The following DGKI variants were observed in gnomAD, a reference collection of about 807,000 sequenced individuals.
DGKI encodes diacylglycerol kinase iota, also known as DAG kinase iota.
A neutral mutation model predicts 147.5 loss-of-function variants in DGKI; 55 were observed. The ratio of observed to expected loss-of-function variants is 0.37; its 90% CI spans 0.30 to 0.47. DGKI has a LOEUF of 0.47. Among genes scored for constraint, DGKI ranks in the 20% least tolerant of loss-of-function variants. DGKI has a pLI of 1.00. For synonymous variants in DGKI, 469 were observed against 477.1 expected, an observed-to-expected ratio of 0.98 and a Z score of 0.22; for missense variants, 1,007 against 1,323.8, an observed-to-expected ratio of 0.76 and a Z score of 3.71.
rs78380205 is a variant in DGKI, at chr7:137,471,333, G to A, written c.2374-1714C>T. 2.0e-3 allele frequency among the ~76,000 whole-genome samples: 300 copies of A among 152,268 alleles called. 1 individual carries two copies. The highest frequency in any genetic ancestry group is 6.9e-3 in the African/African-American group (285 of 41,550). ...CAATAAAGACTTGGCAGCTGAAGCC[G>A]CAGGTGTGGATGATCTTGTGTGTAC... On this transcript the variant is annotated intron_variant, in intron 23 of 32. Transcript: ENST00000614521.
chr7:137,395,460 A>AT, intron 32 of DGKI, 138 bp downstream of exon 32: 1 of 706,090 alleles, frequency 1.4e-6, no homozygotes, highest in Non-Finnish European at 2.4e-6. Context: ...GAAGCACTCT[A>AT]TTTTTTCCTC....
chr7:137,842,290 T>G (rs112330775), intron 1 of DGKI, among the ~76,000 whole-genome samples: 1 of 152,222 alleles, frequency 6.6e-6, no homozygotes, highest in Non-Finnish European at 1.5e-5. Context: ...AATATCTTTC[T>G]TGTAATAACA....
chr7:137,813,423 T>C (rs1471749357), intron 1 of DGKI, among the ~76,000 whole-genome samples: 1 of 152,178 alleles, frequency 6.6e-6, no homozygotes, highest in African/African-American at 2.4e-5. Flanking sequence ...AGAATGAAAG[T>C]GACCATGATC....
chr7:137,424,770 G>A (rs868462306), intron 28 of DGKI, among the ~76,000 whole-genome samples: 15 of 152,310 alleles, frequency 9.8e-5, no homozygotes, highest in Admixed American at 4.6e-4. Context: ...CTACGCCCAC[G>A]GAATCTCGCT....
intron 28 of DGKI, among the ~76,000 whole-genome samples, chr7:137,422,479 C>T (rs934006976): frequency 6.6e-6 from 1 of 151,428 alleles, no homozygotes; most frequent in Non-Finnish European, 1.5e-5. Context: ...AATATAAATT[C>T]ATTTCTAACA....
At chr7:137,717,355 C>A (rs1348473900) in intron 1 of DGKI, among the ~76,000 whole-genome samples, 13 of 151,832 alleles carry the variant, frequency 8.6e-5, no homozygotes, top group Non-Finnish European at 1.5e-4. Flanking sequence ...TTGTGACTTA[C>A]AAGAAATTAG....
intron 14 of DGKI, among the ~76,000 whole-genome samples, chr7:137,584,964 T>C (rs533245155): frequency 1.3e-5 from 2 of 152,324 alleles, no homozygotes; most frequent in South Asian, 2.1e-4. Flanking sequence ...AGTGCAGAAG[T>C]TGAAGACAGA....
intron 1 of DGKI, among the ~76,000 whole-genome samples, chr7:137,703,224 G>A (rs1585388576): frequency 6.6e-6 from 1 of 152,174 alleles, no homozygotes; most frequent in African/African-American, 2.4e-5. Context: ...AGGGAGAAGG[G>A]GGAAGTGCCA....
At chr7:137,743,592 C>T (rs1036167271) in intron 1 of DGKI, among the ~76,000 whole-genome samples, 7 of 152,054 alleles carry the variant, frequency 4.6e-5, no homozygotes, top group African/African-American at 1.7e-4. Flanking sequence ...CAAATGAAAA[C>T]AGAAACACAA....
At chr7:137,772,974 C>T (rs924015760) in intron 1 of DGKI, among the ~76,000 whole-genome samples, 5 of 152,190 alleles carry the variant, frequency 3.3e-5, no homozygotes, top group African/African-American at 1.2e-4. Flanking sequence ...TAAGCTGCTG[C>T]TCTATGAGTT....
chr7:137,520,928 A>C (rs375065768), intron 21 of DGKI, among the ~76,000 whole-genome samples: 2 of 152,036 alleles, frequency 1.3e-5, no homozygotes, highest in Admixed American at 6.6e-5. Context: ...TCTTTTACAC[A>C]GGTAGCCAGG....
At chr7:137,572,884 C>G (rs368143848) in intron 17 of DGKI, 46 bp from the exon 18 acceptor site, 1 of 1,397,474 alleles carries the variant, frequency 7.2e-7, no homozygotes, top group African/African-American at 1.4e-5. Context: ...AGTCACAAGT[C>G]TAAAAACCTA....
chr7:137,404,919 G>T (rs1429897091), intron 30 of DGKI, among the ~76,000 whole-genome samples: 1 of 152,136 alleles, frequency 6.6e-6, no homozygotes, highest in East Asian at 1.9e-4. Context: ...AGACTAATGT[G>T]CCAGATGAAT....
chr7:137,799,197 T>C lies in DGKI; in HGVS notation c.401+47265A>G, dbSNP rs115020930. Among the ~76,000 whole-genome samples, 475 of 152,288 alleles carry C rather than the reference T, an allele frequency of 3.1e-3. 1 individual carries two copies. The highest frequency in any genetic ancestry group is 0.011 in the African/African-American group (460 of 41,556). ...GCAATTACAAGGAAGGAAGGCCTGA[T>C]ACATCCGATAACATAGATGAACCTT... is the stretch of plus-strand genomic sequence containing the variant. On this transcript the variant is annotated intron_variant, in intron 1 of 32. Transcript: ENST00000614521.
At chr7:137,644,239 T>C (rs1821752872) in intron 6 of DGKI, among the ~76,000 whole-genome samples, 1 of 152,220 alleles carries the variant, frequency 6.6e-6, no homozygotes, top group Admixed American at 6.5e-5. Context: ...TTGTTTACTT[T>C]GTTTTATTTC....
chr7:137,475,090 C>T (rs968460384), intron 23 of DGKI, among the ~76,000 whole-genome samples: 2 of 152,164 alleles, frequency 1.3e-5, no homozygotes, highest in African/African-American at 4.8e-5. Flanking sequence ...CAATTCTGCC[C>T]TTAGTCACAT....
chr7:137,776,384 C>G (rs182489893), intron 1 of DGKI, among the ~76,000 whole-genome samples: 3 of 152,250 alleles, frequency 2.0e-5, no homozygotes, highest in African/African-American at 7.2e-5. Context: ...CATAGATCAC[C>G]TGGTAGGCAA....
intron 1 of DGKI, among the ~76,000 whole-genome samples, chr7:137,702,651 C>A (rs973833727): frequency 6.6e-6 from 1 of 152,168 alleles, no homozygotes; most frequent in Non-Finnish European, 1.5e-5. Flanking sequence ...TGAAAACCAA[C>A]AGCTCCTTGA....
At chr7:137,825,643 T>C (rs1270185914) in intron 1 of DGKI, among the ~76,000 whole-genome samples, 1 of 150,140 alleles carries the variant, frequency 6.7e-6, no homozygotes, top group East Asian at 2.0e-4. Context: ...CACACACACA[T>C]TCACACGCAC....
Sources: gnomAD v4.1 joint callset for allele counts (sites outside exome capture counted in the v4.1 genomes callset) on GRCh38, gnomAD v4.1.1 for gene constraint, MANE v1.5 for transcripts, NCBI Gene and HGNC (gene_info 2026-07-23, HGNC 2026-07-21) for gene names.